The following RTN1 variants were observed in gnomAD, a reference collection of about 807,000 sequenced individuals.
RTN1 encodes the protein reticulon-1.
Under a neutral mutation model 65.5 loss-of-function variants are expected in RTN1, and 25 were observed. That is an observed-to-expected ratio of 0.38 (90% confidence interval 0.28 to 0.53). The LOEUF (loss-of-function observed/expected upper bound fraction) is 0.53, where lower values mean the gene tolerates loss of function less well. Ranked by LOEUF, RTN1 falls within the 20% of genes least tolerant of loss-of-function variation. RTN1 has a pLI of 0.79. For synonymous variants in RTN1, 471 were observed against 447.6 expected (o/e 1.05, Z -0.66); for missense variants, 983 against 1,025.4 (o/e 0.96, Z 0.57).
At chr14:59,800,532 C>A (rs1321542884) in intron 1 of RTN1, among the ~76,000 whole-genome samples, 1 of 152,034 alleles carries the variant, frequency 6.6e-6, no homozygotes, top group Non-Finnish European at 1.5e-5. Flanking sequence ...TCCTGAGTAG[C>A]TGGGACTACA....
chr14:59,649,148 G>C (rs1263059686), intron 3 of RTN1, among the ~76,000 whole-genome samples: 1 of 152,168 alleles, frequency 6.6e-6, no homozygotes, highest in African/African-American at 2.4e-5. Flanking sequence ...ACAAAAACAA[G>C]CAATGGGGAA....
chr14:59,765,815 C>A (rs1028061035), intron 1 of RTN1, among the ~76,000 whole-genome samples: 6 of 151,860 alleles, frequency 4.0e-5, no homozygotes, highest in Admixed American at 2.6e-4. Flanking sequence ...GACATTATCT[C>A]CAACATCTGG....
chr14:59,792,661 A>G (rs1159604069), intron 1 of RTN1, among the ~76,000 whole-genome samples: 1 of 152,112 alleles, frequency 6.6e-6, no homozygotes, highest in East Asian at 1.9e-4. Context: ...TTCCAATTTC[A>G]TTGGAAATGC....
At position 59,745,746 on chromosome 14, in the gene RTN1, T is replaced by C; in HGVS notation, c.977A>G (p.Asp326Gly). The C allele has an allele frequency of 6.2e-7, 1 of 1,613,592 alleles. No individual in the cohort carries two copies. Among genetic ancestry groups the C allele is most frequent in the East Asian group, 2.2e-5 (1 of 44,860 alleles). Residue 326 changes from aspartate to glycine, a missense_variant, in exon 2 of 9, where the codon GAC (aspartate) becomes GGC (glycine). Asp to Gly is a moderately conservative substitution (Grantham distance 94, BLOSUM62 -1). Transcript: ENST00000267484. The stretch of plus-strand genomic sequence containing the variant: ...TGGAGGGGTGATAGATCCTGGGCTG[T>C]CGTCTTCAGGCTCCGAGACAGTGAC... ...PTVTVSEPED[D>G]SPGSITPPSS...
Position 59,760,648 on chromosome 14 carries a change from A to G in RTN1, c.242-14167T>C, listed in dbSNP as rs545523568. Among the ~76,000 whole-genome samples the G allele has an allele frequency of 6.6e-5, 10 of 152,330 alleles. 1 individual carries two copies. Among genetic ancestry groups the G allele is most frequent in the Admixed American group, 2.0e-4 (3 of 15,296 alleles). On this transcript the variant is annotated intron_variant, in intron 1 of 8. Transcript: ENST00000267484. ...TTTGAAGACAGCTATGGCCTCTCTT[A>G]GGTTCTCATCTTTCAGGTTAGAACC...
chr14:59,616,432 G>T (rs1341338895), intron 3 of RTN1, among the ~76,000 whole-genome samples: 1 of 152,004 alleles, frequency 6.6e-6, no homozygotes, highest in African/African-American at 2.4e-5. Context: ...TTAAATGCAG[G>T]ATTCTAATTA....
chr14:59,860,190 T>C (rs1206020362), intron 1 of RTN1, among the ~76,000 whole-genome samples: 1 of 152,118 alleles, frequency 6.6e-6, no homozygotes, highest in Non-Finnish European at 1.5e-5. Flanking sequence ...ATTTCATGGG[T>C]GAGTCCAGGG....
intron 2 of RTN1, among the ~76,000 whole-genome samples, chr14:59,739,795 T>C (rs995982310): frequency 6.6e-6 from 1 of 152,132 alleles, no homozygotes; most frequent in Non-Finnish European, 1.5e-5. Flanking sequence ...AGGGGAACAA[T>C]GAGCTTGTTT....
chr14:59,756,316 A>T (rs948545674), intron 1 of RTN1, among the ~76,000 whole-genome samples: 1 of 152,348 alleles, frequency 6.6e-6, no homozygotes, highest in Admixed American at 6.5e-5. Flanking sequence ...AGGTGAATAC[A>T]TAATTTACTT....
At chr14:59,607,181 T>C in intron 4 of RTN1, 104 bp downstream of exon 4, 2 of 949,724 alleles carry the variant, frequency 2.1e-6, no homozygotes, top group African/African-American at 3.2e-5. Context: ...AGAGGTCTGT[T>C]GGGTCTCAGA....
intron 3 of RTN1, among the ~76,000 whole-genome samples, chr14:59,718,478 G>A (rs1439616565): frequency 6.6e-6 from 1 of 152,172 alleles, no homozygotes; most frequent in Non-Finnish European, 1.5e-5. Flanking sequence ...AGGCAAGCAT[G>A]TATCTAACTC....
At chr14:59,675,490 T>C (rs188811108) in intron 3 of RTN1, among the ~76,000 whole-genome samples, 138 of 151,670 alleles carry the variant, frequency 9.1e-4, no homozygotes, top group Admixed American at 2.0e-3. Context: ...ATGTTCTAGA[T>C]ACTGAATTAT....
At chr14:59,864,749 G>A (rs2064992) in intron 1 of RTN1, among the ~76,000 whole-genome samples, 32,584 of 152,128 alleles carry the variant, frequency 0.21, 3,900 homozygotes, top group East Asian at 0.5. Flanking sequence ...AAGGTAAGGT[G>A]TGAAGACTTC....
intron 3 of RTN1, among the ~76,000 whole-genome samples, chr14:59,666,516 TC>T (rs1883378037): frequency 6.6e-6 from 1 of 151,810 alleles, no homozygotes; most frequent in Non-Finnish European, 1.5e-5. Flanking sequence ...CACTCTAACA[TC>T]ACAATTAAAA....
intron 1 of RTN1, among the ~76,000 whole-genome samples, chr14:59,821,179 G>C (rs117482415): frequency 1.3e-5 from 2 of 152,234 alleles, no homozygotes; most frequent in Non-Finnish European, 2.9e-5. Context: ...TGTCATCTCT[G>C]ATTTCTTTTA....
intron 2 of RTN1, among the ~76,000 whole-genome samples, chr14:59,742,079 T>C (rs1370810856): frequency 6.6e-6 from 1 of 152,222 alleles, no homozygotes; most frequent in Non-Finnish European, 1.5e-5. Context: ...GCATGTCTGA[T>C]GTATAGAAGT....
intron 1 of RTN1, among the ~76,000 whole-genome samples, chr14:59,771,702 G>A (rs1226770205): frequency 6.6e-6 from 1 of 152,146 alleles, no homozygotes; most frequent in Non-Finnish European, 1.5e-5. Context: ...AATAAGCTGT[G>A]GAATGGAGTA....
chr14:59,663,140 A>G (rs1883288079), intron 3 of RTN1, among the ~76,000 whole-genome samples: 1 of 152,180 alleles, frequency 6.6e-6, no homozygotes, highest in Non-Finnish European at 1.5e-5. Context: ...GATTTTGACA[A>G]ACCTGACAAG....
chr14:59,762,816 T>C (rs1232536350), intron 1 of RTN1, among the ~76,000 whole-genome samples: 1 of 152,234 alleles, frequency 6.6e-6, no homozygotes, highest in Admixed American at 6.5e-5. Flanking sequence ...ACACCTTTTT[T>C]GAGGTACTTG....
Sources: allele counts gnomAD v4.1 joint callset (sites outside exome capture counted in the v4.1 genomes callset), GRCh38; gene constraint gnomAD v4.1.1; transcripts MANE v1.5; gene names NCBI Gene and HGNC (gene_info 2026-07-23, HGNC 2026-07-21).